The following STK32B variants were observed in gnomAD, a reference collection of about 807,000 sequenced individuals.
STK32B encodes the protein serine/threonine-protein kinase 32B.
In STK32B, 43 loss-of-function variants were observed where a neutral mutation model predicts 52.6. That is an observed-to-expected ratio of 0.82 (90% CI 0.64 to 1.05). The LOEUF (loss-of-function observed/expected upper bound fraction) is 1.05. Ranked by LOEUF, STK32B falls within the 50% of genes least tolerant of loss-of-function variation. The probability of loss-of-function intolerance (pLI) is 0.00; values close to 1 mark genes in which losing one functional copy is unlikely to be tolerated. For synonymous variants in STK32B, 238 were observed against 204.3 expected (o/e 1.17, Z -1.41); for missense variants, 621 against 534.6 (o/e 1.16, Z -1.59).
intron 6 of STK32B, among the ~76,000 whole-genome samples, chr4:5,426,326 T>C (rs1005982482): frequency 6.6e-6 from 1 of 152,132 alleles, no homozygotes; most frequent in Non-Finnish European, 1.5e-5. Context: ...TAACTAATGG[T>C]GTTGAGCATC....
At chr4:5,038,977 A>ATTTC in the STK32B span, among the ~76,000 whole-genome samples, 2 of 145,052 alleles carry the variant, frequency 1.4e-5, no homozygotes, top group African/African-American at 5.2e-5. Flanking sequence ...GCTATACAAA[A>ATTTC]TTTCTTTCTT....
At chr4:5,426,692 CAAAAAAAAA>C (rs746246839) in intron 6 of STK32B, among the ~76,000 whole-genome samples, 11 of 78,032 alleles carry the variant, frequency 1.4e-4, no homozygotes, top group African/African-American at 2.4e-4. Flanking sequence ...TCCATCTAAA[CAAAAAAAAA>C]AAAAAAAAAA....
At chr4:5,049,368 G>A (rs148843952), upstream of STK32B, among the ~76,000 whole-genome samples, 517 of 152,262 alleles carry the variant, frequency 3.4e-3, 2 homozygotes, top group African/African-American at 0.012. Flanking sequence ...ATGCGTGTCC[G>A]TGTGAAGAGA....
chr4:5,135,088 C>A (rs1227169686), intron 1 of STK32B, among the ~76,000 whole-genome samples: 1 of 152,198 alleles, frequency 6.6e-6, no homozygotes, highest in Non-Finnish European at 1.5e-5. Context: ...AATACACTTC[C>A]AGATTTATCA....
chr4:5,295,959 G>C (rs189374706), intron 3 of STK32B, among the ~76,000 whole-genome samples: 1 of 151,756 alleles, frequency 6.6e-6, no homozygotes, highest in Non-Finnish European at 1.5e-5. Flanking sequence ...AGATTCTGGC[G>C]TGTTGTGTCT....
At chr4:5,106,969 G>A (rs1447484970) in intron 1 of STK32B, among the ~76,000 whole-genome samples, 1 of 152,140 alleles carries the variant, frequency 6.6e-6, no homozygotes, top group Non-Finnish European at 1.5e-5. Context: ...GTGTTGAGTT[G>A]TATCACTTTT....
intron 11 of STK32B, among the ~76,000 whole-genome samples, chr4:5,489,111 C>T (rs960937144): frequency 3.3e-5 from 5 of 152,020 alleles, no homozygotes; most frequent in African/African-American, 1.2e-4. Flanking sequence ...TTGAAAATGA[C>T]CCAGACATTT....
intron 3 of STK32B, among the ~76,000 whole-genome samples, chr4:5,260,339 C>T (rs753571317): frequency 1.3e-5 from 2 of 152,162 alleles, no homozygotes; most frequent in Non-Finnish European, 2.9e-5. Flanking sequence ...TACAAGACCC[C>T]AGCTGAGCGC....
intron 1 of STK32B, among the ~76,000 whole-genome samples, chr4:5,074,078 C>G (rs1711933865): frequency 6.6e-6 from 1 of 151,962 alleles, no homozygotes; most frequent in Non-Finnish European, 1.5e-5. Flanking sequence ...ACATCCCTCC[C>G]CCTTTTATTT....
At chr4:5,226,289 T>A (rs1365633692) in intron 3 of STK32B, among the ~76,000 whole-genome samples, 1 of 152,216 alleles carries the variant, frequency 6.6e-6, no homozygotes, top group Non-Finnish European at 1.5e-5. Flanking sequence ...CCACGTTGCA[T>A]TTGTTTCAGT....
In STK32B at chr4:5,331,307, G is replaced by A. The variant is rs746044107; in HGVS notation, c.348G>A (p.Val116=). ...GDLRYHLQQN[V]HFTEGTVKLY... ...TGCGCTACCATCTGCAGCAGAATGTGCATTTCACAGAGGGGACTGTGAAAC... is the reference window on the plus strand; with the variant it reads ...TGCGCTACCATCTGCAGCAGAATGTACATTTCACAGAGGGGACTGTGAAAC... The change falls in exon 4 of 12, where the codon GTG becomes GTA. Residue 116 remains valine, a synonymous_variant. Transcript: ENST00000282908. 1.2e-5 allele frequency: 19 copies of A among 1,613,834 alleles called. No homozygotes were observed. The African/African-American group carries it at 2.5e-4, about 22-fold the overall frequency.
At chr4:5,165,942 C>G (rs1322852559) in intron 2 of STK32B, among the ~76,000 whole-genome samples, 1 of 152,192 alleles carries the variant, frequency 6.6e-6, no homozygotes, top group Non-Finnish European at 1.5e-5. Flanking sequence ...CTCCCACTTC[C>G]TGCTCCTGTT....
chr4:5,332,606 A>G (rs1287529575), intron 4 of STK32B, among the ~76,000 whole-genome samples: 2 of 152,114 alleles, frequency 1.3e-5, no homozygotes, highest in African/African-American at 4.8e-5. Flanking sequence ...ATAACTCGTC[A>G]TTTAGCATTA....
intron 5 of STK32B, among the ~76,000 whole-genome samples, chr4:5,413,564 A>G: frequency 6.6e-6 from 1 of 152,264 alleles, no homozygotes; most frequent in Non-Finnish European, 1.5e-5. Context: ...TTGGAAAATT[A>G]TAAGAGAAAC....
intron 3 of STK32B, among the ~76,000 whole-genome samples, chr4:5,243,119 T>C (rs932823068): frequency 1.3e-5 from 2 of 152,128 alleles, no homozygotes; most frequent in African/African-American, 2.4e-5. Flanking sequence ...GTGAAGAAAG[T>C]CGTTGGTAGC....
At chr4:5,111,614 AG>A (rs1714411734) in intron 1 of STK32B, among the ~76,000 whole-genome samples, 1 of 152,116 alleles carries the variant, frequency 6.6e-6, no homozygotes, top group South Asian at 2.1e-4. Flanking sequence ...AGACTTCAAA[AG>A]GGGTTGGGAA....
In STK32B at chr4:5,466,846, G is replaced by C; in HGVS notation, c.1041+12G>C. 5 of 1,610,894 alleles carry C rather than the reference G, an allele frequency of 3.1e-6. 1 individual carries two copies. The South Asian group carries it at 5.5e-5, about 18-fold the overall frequency. Reference sequence around the variant, plus strand: ...ACAGCTGCCCGCTGGTGAGTGCTTCGTGGGAGCCGTTCCGGGAGAGAAATC... The same window carrying C: ...ACAGCTGCCCGCTGGTGAGTGCTTCCTGGGAGCCGTTCCGGGAGAGAAATC... On this transcript the variant is annotated intron_variant, in intron 10 of 11. Coordinates refer to ENST00000282908, the MANE Select transcript of STK32B (RefSeq NM_018401.3).
At chr4:5,333,596 T>G (rs1248496698) in intron 4 of STK32B, among the ~76,000 whole-genome samples, 1 of 152,196 alleles carries the variant, frequency 6.6e-6, no homozygotes, top group East Asian at 1.9e-4. Flanking sequence ...CTTCTAGAGT[T>G]TTTATGGTTT....
rs76351395 is a variant in STK32B at position 5,388,786 on chromosome 4, C to T, written c.435-9421C>T. Among the ~76,000 whole-genome samples the T allele has an allele frequency of 7.3e-3, 1,115 of 152,246 alleles. 10 individuals are homozygous for T. The highest frequency in any genetic ancestry group is 0.025 in the African/African-American group (1,027 of 41,528). ...AAGGGAGGGATGTCACGGGGCTCAC[C>T]CATTCATGAAGGAATTAATTGACCC... On this transcript the variant is annotated intron_variant, in intron 4 of 11. Transcript: ENST00000282908.
Sources: allele counts gnomAD v4.1 joint callset (sites outside exome capture counted in the v4.1 genomes callset), GRCh38; gene constraint gnomAD v4.1.1; transcripts MANE v1.5; gene names NCBI Gene and HGNC (gene_info 2026-07-23, HGNC 2026-07-21).